Variants in PPP1R42 observed in about 807,000 individuals in gnomAD.
PPP1R42 encodes protein phosphatase 1 regulatory subunit 42, also known as leucine rich repeat containing 67.
A neutral mutation model predicts 31.0 loss-of-function variants in PPP1R42; 34 were observed. That is an observed-to-expected ratio of 1.10 (90% confidence interval 0.83 to 1.46). PPP1R42 has a LOEUF of 1.46. PPP1R42 is among the 40% of genes most tolerant of loss of function. The pLI, the probability that PPP1R42 is intolerant of heterozygous loss-of-function variation, is 0.00. For synonymous variants in PPP1R42, 103 were observed against 109.8 expected (o/e 0.94, Z 0.39); for missense variants, 268 against 303.0 (o/e 0.88, Z 0.86).
intron 5 of PPP1R42, among the ~76,000 whole-genome samples, chr8:67,009,775 A>G (rs1815790424): frequency 6.6e-6 from 1 of 152,210 alleles, no homozygotes. Context: ...TATTTTCATA[A>G]TTATATATTG....
At chr8:67,010,310 C>A (rs952998848) in intron 5 of PPP1R42, among the ~76,000 whole-genome samples, 6 of 152,148 alleles carry the variant, frequency 3.9e-5, no homozygotes, top group Admixed American at 2.6e-4. Flanking sequence ...CAGTCAGAAT[C>A]ATTTCAAGTA....
At chr8:67,014,394 C>T in intron 3 of PPP1R42, 32 bp downstream of exon 3, 1 of 1,311,676 alleles carries the variant, frequency 7.6e-7, no homozygotes, top group Non-Finnish European at 1.0e-6. Context: ...TCATAAAAAT[C>T]AGATACATTA....
intron 5 of PPP1R42, among the ~76,000 whole-genome samples, chr8:67,001,863 G>A (rs1420282452): frequency 1.3e-5 from 2 of 152,206 alleles, no homozygotes; most frequent in African/African-American, 2.4e-5. Context: ...CAGTGAGGCT[G>A]TGGCAGGACG....
At chr8:67,014,639 T>C in intron 2 of PPP1R42, 47 bp from the exon 3 acceptor site, 1 of 1,389,944 alleles carries the variant, frequency 7.2e-7, no homozygotes, top group Non-Finnish European at 9.8e-7. Flanking sequence ...TCCTGAAAAC[T>C]TAAAAGTTTG....
chr8:66,970,782 C>T (rs1814516805), intron 7 of PPP1R42: 1 of 576,882 alleles, frequency 1.7e-6, no homozygotes, highest in East Asian at 3.9e-5. Flanking sequence ...GGAAACACCC[C>T]TTCCCATCGT....
intron 6 of PPP1R42, 140 bp downstream of exon 6, chr8:66,988,260 A>C (rs1470335346): frequency 1.1e-5 from 14 of 1,266,852 alleles, no homozygotes; most frequent in Non-Finnish European, 1.4e-5. Context: ...TTTTGCTCTT[A>C]TTCAAAATAT....
chr8:66,966,613 A>C (rs1048307718), intron 7 of PPP1R42, among the ~76,000 whole-genome samples: 7 of 151,946 alleles, frequency 4.6e-5, no homozygotes, highest in Admixed American at 3.9e-4. Context: ...GTGAAATCCC[A>C]TCTCTACTAA....
At chr8:66,983,196 GTTT>G (rs1002915494) in intron 6 of PPP1R42, among the ~76,000 whole-genome samples, 15 of 151,974 alleles carry the variant, frequency 9.9e-5, no homozygotes, top group African/African-American at 3.4e-4. Context: ...TTCTTAGCAT[GTTT>G]TTATTTTCTA....
intron 6 of PPP1R42, chr8:66,986,232 G>A (rs553127160): frequency 3.2e-5 from 17 of 536,226 alleles, no homozygotes; most frequent in Admixed American, 1.2e-4. Context: ...GAGCCACCGC[G>A]CCCTGCCTGA....
chr8:67,028,480 G>A lies in PPP1R42; in HGVS notation c.-85+11C>T, dbSNP rs1037410576. ...CTCGGTCCCCACGCTTATTCCCCGCGGGCAGCTCACCGCTCGCGGGACAGT... is the reference window on the plus strand; with the variant it reads ...CTCGGTCCCCACGCTTATTCCCCGCAGGCAGCTCACCGCTCGCGGGACAGT... On this transcript the variant is annotated intron_variant, in intron 1 of 7. Coordinates refer to ENST00000685739, the MANE Select transcript of PPP1R42 (RefSeq NM_001364910.1). The A allele has an allele frequency of 5.1e-6, 5 of 985,316 alleles. No individual in the cohort carries two copies. The highest frequency in any genetic ancestry group is 4.7e-5 in the South Asian group (1 of 21,292). The allele number at this position is 985,316 out of a possible 1,614,324, so 61.0% of individuals were successfully genotyped here. A position where few individuals can be genotyped will look rare whatever the true frequency, so the allele number is the denominator to read the frequency against.
rs376724060 is a variant in PPP1R42, at chr8:67,012,976, T to C, written c.417A>G (p.Arg139=). Residue 139 remains arginine (R), a synonymous_variant, in exon 4 of 8, where the codon AGA becomes AGG. Transcript: ENST00000685739. The part of the protein sequence containing the change: ...PLGEKLLFDP[R]TLHSLAKSLC... ...AACTTACTGCCAGAGAATGAAGAGTTCTTGGATCAAACAGAAGCTTTTCCC... is the reference window on the plus strand; with the variant it reads ...AACTTACTGCCAGAGAATGAAGAGTCCTTGGATCAAACAGAAGCTTTTCCC... 4 of 1,607,164 alleles carry C rather than the reference T, an allele frequency of 2.5e-6. No homozygotes were observed. The Admixed American group carries it at 6.9e-5, about 28-fold the overall frequency.
intron 7 of PPP1R42, among the ~76,000 whole-genome samples, chr8:66,966,881 T>C (rs186551258): frequency 6.6e-6 from 1 of 152,356 alleles, no homozygotes; most frequent in East Asian, 1.9e-4. Flanking sequence ...TTAGATCTTA[T>C]ATAACTCTTG....
At chr8:67,019,005 T>A (rs993166681) in intron 1 of PPP1R42, among the ~76,000 whole-genome samples, 11 of 150,992 alleles carry the variant, frequency 7.3e-5, no homozygotes, top group African/African-American at 2.2e-4. Flanking sequence ...AATTTTTTTT[T>A]TTTTAATTTT....
intron 1 of PPP1R42, among the ~76,000 whole-genome samples, chr8:67,018,814 G>GCC (rs55943057): frequency 0.2 from 736 of 3,626 alleles, 174 homozygotes; most frequent in Non-Finnish European, 0.27. Context: ...CCTGGCCCCC[G>GCC]CCCCCCCCCC....
At chr8:67,022,167 C>T (rs1046295890) in intron 1 of PPP1R42, among the ~76,000 whole-genome samples, 1 of 152,134 alleles carries the variant, frequency 6.6e-6, no homozygotes, top group African/African-American at 2.4e-5. Context: ...ATTGTTGGCA[C>T]CTGATATTGG....
chr8:66,969,112 T>C (rs1038942907), intron 7 of PPP1R42, among the ~76,000 whole-genome samples: 1 of 152,228 alleles, frequency 6.6e-6, no homozygotes, highest in Admixed American at 6.5e-5. Context: ...TATTTGATGT[T>C]TTATCAGTGT....
chr8:66,984,382 C>T lies in PPP1R42; in HGVS notation c.671-2202G>A, dbSNP rs888875498. The T allele has an allele frequency of 3.0e-5, 39 of 1,306,554 alleles. No homozygotes were observed. The Middle Eastern group carries it at 7.5e-4, about 25-fold the overall frequency. The allele number at this position is 1,306,554 out of a possible 1,614,324, so 80.9% of individuals were successfully genotyped here. ...AGATGTCTGTTCATCCCACTTTATC[C>T]GATGCAGCATAAGATGCTTCAATTT... On this transcript the variant is annotated intron_variant, in intron 6 of 7. Transcript: ENST00000685739.
At chr8:66,969,683 T>A (rs1222089885) in intron 7 of PPP1R42, among the ~76,000 whole-genome samples, 1 of 152,094 alleles carries the variant, frequency 6.6e-6, no homozygotes, top group Non-Finnish European at 1.5e-5. Context: ...TAAATCATCA[T>A]CCCTCGATGG....
intron 6 of PPP1R42, among the ~76,000 whole-genome samples, chr8:66,983,800 A>G (rs762739919): frequency 6.6e-6 from 1 of 152,232 alleles, no homozygotes; most frequent in Non-Finnish European, 1.5e-5. Context: ...AACTGTCTCC[A>G]TATCTTATTT....
Sources: allele counts gnomAD v4.1 joint callset (sites outside exome capture counted in the v4.1 genomes callset), GRCh38; gene constraint gnomAD v4.1.1; transcripts MANE v1.5; gene names NCBI Gene and HGNC (gene_info 2026-07-23, HGNC 2026-07-21).